EGFLAM: variants seen among roughly 807,000 people sequenced by gnomAD.
The protein encoded by EGFLAM is pikachurin.
Under a neutral mutation model 113.1 loss-of-function variants are expected in EGFLAM, and 79 were observed. That is an observed-to-expected ratio of 0.70 (90% CI 0.58 to 0.84). The LOEUF (loss-of-function observed/expected upper bound fraction) is 0.84. Ranked by LOEUF, EGFLAM falls within the 40% of genes least tolerant of loss-of-function variation. EGFLAM has a pLI of 0.00. For missense variants in EGFLAM, 1,265 were observed against 1,291.6 expected (o/e 0.98, Z 0.32); for synonymous variants, 504 against 487.6 (o/e 1.03, Z -0.44).
chr5:38,277,781 T>C (rs866260878), intron 1 of EGFLAM, among the ~76,000 whole-genome samples: 8 of 152,070 alleles, frequency 5.3e-5, no homozygotes, highest in African/African-American at 7.2e-5. Flanking sequence ...AAAAAAAATC[T>C]TGTGTATAAT....
At chr5:38,446,370 T>C (rs1032245708) in intron 17 of EGFLAM, among the ~76,000 whole-genome samples, 9 of 152,040 alleles carry the variant, frequency 5.9e-5, no homozygotes, top group Admixed American at 6.5e-5. Context: ...TCTCTCCCGG[T>C]TGTCTTCCTC....
intron 1 of EGFLAM, among the ~76,000 whole-genome samples, chr5:38,311,814 A>G (rs1244213698): frequency 2.0e-5 from 3 of 152,242 alleles, no homozygotes; most frequent in East Asian, 3.8e-4. Flanking sequence ...GAAGGAAGGA[A>G]TGGTTACAGG....
At chr5:38,302,842 T>C (rs1758627741) in intron 1 of EGFLAM, among the ~76,000 whole-genome samples, 1 of 152,212 alleles carries the variant, frequency 6.6e-6, no homozygotes, top group South Asian at 2.1e-4. Flanking sequence ...TTATCTCAGC[T>C]TCTGAGTATT....
chr5:38,339,632 G>A (rs573937097), intron 3 of EGFLAM, among the ~76,000 whole-genome samples: 2 of 152,216 alleles, frequency 1.3e-5, no homozygotes, highest in African/African-American at 4.8e-5. Flanking sequence ...ACTATCCTAT[G>A]ACCTCATTTT....
intron 5 of EGFLAM, among the ~76,000 whole-genome samples, chr5:38,355,138 A>T (rs1739733020): frequency 6.6e-6 from 1 of 151,926 alleles, no homozygotes; most frequent in Admixed American, 6.6e-5. Flanking sequence ...GGAAAGGAGG[A>T]TATATATATA....
At chr5:38,424,076 C>G (rs1475686071) in intron 12 of EGFLAM, among the ~76,000 whole-genome samples, 5 of 152,164 alleles carry the variant, frequency 3.3e-5, no homozygotes, top group Admixed American at 1.3e-4. Flanking sequence ...ACCTCCACCC[C>G]CAGAAAAAGT....
chr5:38,453,490 G>T (rs940788765), intron 19 of EGFLAM, among the ~76,000 whole-genome samples: 4 of 152,112 alleles, frequency 2.6e-5, no homozygotes, highest in Admixed American at 6.5e-5. Context: ...TCCCTAAATA[G>T]CAGAGCATGC....
At chr5:38,384,123 A>T in intron 6 of EGFLAM, among the ~76,000 whole-genome samples, 1 of 152,100 alleles carries the variant, frequency 6.6e-6, no homozygotes, top group Non-Finnish European at 1.5e-5. Context: ...ACTGGAGAGG[A>T]AGGAGAAGGA....
chr5:38,277,145 C>T (rs570639187), intron 1 of EGFLAM, among the ~76,000 whole-genome samples: 1 of 152,240 alleles, frequency 6.6e-6, no homozygotes, highest in East Asian at 1.9e-4. Flanking sequence ...CCCCAGCAAA[C>T]TTGAATACAG....
intron 1 of EGFLAM, among the ~76,000 whole-genome samples, chr5:38,286,594 T>A (rs1758169185): frequency 6.6e-6 from 1 of 152,106 alleles, no homozygotes; most frequent in Non-Finnish European, 1.5e-5. Context: ...GGAATGAGGT[T>A]TTGTCAGGGC....
chr5:38,264,209 C>T (rs138237771), intron 1 of EGFLAM, among the ~76,000 whole-genome samples: 42 of 152,260 alleles, frequency 2.8e-4, no homozygotes, highest in Admixed American at 5.9e-4. Context: ...TCCTGCCTTT[C>T]CTCCTGCCTG....
chr5:38,398,453 G>T (rs1352057817), intron 6 of EGFLAM, among the ~76,000 whole-genome samples: 1 of 152,174 alleles, frequency 6.6e-6, no homozygotes, highest in East Asian at 1.9e-4. Flanking sequence ...CCACTAAAGA[G>T]GAGAGCTATG....
intron 9 of EGFLAM, among the ~76,000 whole-genome samples, chr5:38,408,551 T>C (rs2956592): frequency 1 from 152,311 of 152,354 alleles, 76,134 homozygotes; most frequent in Middle Eastern, 1. Flanking sequence ...GCACAGCTTT[T>C]GGCTGAGCTA....
At chr5:38,376,879 C>T (rs994711583) in intron 6 of EGFLAM, among the ~76,000 whole-genome samples, 3 of 152,164 alleles carry the variant, frequency 2.0e-5, no homozygotes, top group Non-Finnish European at 4.4e-5. Context: ...CCATGTTGCC[C>T]AGGCTGGTCT....
intron 6 of EGFLAM, among the ~76,000 whole-genome samples, 182 bp from the exon 7 acceptor site, chr5:38,405,944 G>A (rs1741269587): frequency 6.6e-6 from 1 of 152,178 alleles, no homozygotes; most frequent in Non-Finnish European, 1.5e-5. Context: ...AGTAACTTAT[G>A]AGAGGAAACT....
At chr5:38,416,090 G>A (rs769815875) in intron 11 of EGFLAM, among the ~76,000 whole-genome samples, 6 of 152,076 alleles carry the variant, frequency 3.9e-5, no homozygotes, top group Non-Finnish European at 7.4e-5. Context: ...ATTGCAAGAA[G>A]CATGTAGCTT....
chr5:38,362,513 C>T (rs535721550), intron 5 of EGFLAM, among the ~76,000 whole-genome samples: 1 of 152,262 alleles, frequency 6.6e-6, no homozygotes, highest in Non-Finnish European at 1.5e-5. Context: ...ACAACCCTCC[C>T]TAATCTCCCT....
chr5:38,445,175 TG>T (rs1057193157), intron 17 of EGFLAM, among the ~76,000 whole-genome samples: 19 of 151,944 alleles, frequency 1.3e-4, no homozygotes, highest in African/African-American at 4.1e-4. Flanking sequence ...AATCTTGCAA[TG>T]GGGGGTGGCG....
At chr5:38,388,587 A>AT (rs1554010581) in intron 6 of EGFLAM, among the ~76,000 whole-genome samples, 7 of 150,828 alleles carry the variant, frequency 4.6e-5, no homozygotes, top group South Asian at 2.1e-4. Context: ...CTACTAAAAA[A>AT]ATATATATAT....
Sources: gnomAD v4.1 joint callset for allele counts (sites outside exome capture counted in the v4.1 genomes callset) on GRCh38, gnomAD v4.1.1 for gene constraint, MANE v1.5 for transcripts, NCBI Gene and HGNC (gene_info 2026-07-23, HGNC 2026-07-21) for gene names.